Variants in EXOC6B observed in about 807,000 individuals in gnomAD.
The protein encoded by EXOC6B is SEC15 homolog B.
Under a neutral mutation model 113.5 loss-of-function variants are expected in EXOC6B, and 54 were observed. That is an observed-to-expected ratio of 0.48 (90% CI 0.38 to 0.60). The LOEUF (loss-of-function observed/expected upper bound fraction) is 0.60, where lower values mean the gene tolerates loss of function less well. Ranked by LOEUF, EXOC6B falls within the 20% of genes least tolerant of loss-of-function variation. EXOC6B has a pLI of 0.00. For synonymous variants in EXOC6B, 357 were observed against 339.0 expected (o/e 1.05, Z -0.58); for missense variants, 797 against 977.5 (o/e 0.82, Z 2.46).
chr2:72,784,364 T>C, intron 1 of EXOC6B, among the ~76,000 whole-genome samples: 1 of 152,256 alleles, frequency 6.6e-6, no homozygotes, highest in Non-Finnish European at 1.5e-5. Flanking sequence ...GAATTGTTTT[T>C]TCTATTTATA....
intron 6 of EXOC6B, among the ~76,000 whole-genome samples, chr2:72,629,067 T>C (rs1672233484): frequency 6.6e-6 from 1 of 152,224 alleles, no homozygotes; most frequent in Non-Finnish European, 1.5e-5. Flanking sequence ...CCACAAAAGT[T>C]TTCTGTGTTC....
At chr2:72,247,691 C>T (rs537692885) in intron 20 of EXOC6B, among the ~76,000 whole-genome samples, 3 of 152,320 alleles carry the variant, frequency 2.0e-5, no homozygotes, top group Admixed American at 2.0e-4. Flanking sequence ...TCCTTTTCTA[C>T]AGCTGCCTTG....
intron 6 of EXOC6B, among the ~76,000 whole-genome samples, chr2:72,631,402 GTA>G (rs1217054340): frequency 1.5e-5 from 2 of 132,768 alleles, no homozygotes; most frequent in Admixed American, 8.4e-5. Context: ...AGTAGTGTGT[GTA>G]TATGTGTGTG....
chr2:72,499,389 T>C (rs563487971), intron 12 of EXOC6B, among the ~76,000 whole-genome samples: 4 of 151,476 alleles, frequency 2.6e-5, no homozygotes, highest in Non-Finnish European at 5.9e-5. Context: ...TACCACCACA[T>C]CCGGCTAATT....
intron 20 of EXOC6B, among the ~76,000 whole-genome samples, chr2:72,276,509 C>A (rs1684816439): frequency 6.6e-6 from 1 of 152,022 alleles, no homozygotes; most frequent in Non-Finnish European, 1.5e-5. Flanking sequence ...GCCAGAATGA[C>A]AAGTTTTGTA....
At chr2:72,485,438 C>T (rs1279655574) in intron 16 of EXOC6B, among the ~76,000 whole-genome samples, 1 of 151,984 alleles carries the variant, frequency 6.6e-6, no homozygotes, top group Non-Finnish European at 1.5e-5. Flanking sequence ...GTTAAATTTG[C>T]AAAACAAAAA....
chr2:72,495,534 T>C lies in EXOC6B; in HGVS notation c.1449A>G (p.Pro483=), dbSNP rs377739932. ...PFQDIELEKQ[P]FPKKFPFSEF... is the part of the protein sequence containing the mutation. Reference sequence around the variant, plus strand: ...CAGAGAAAGGAAACTTTTTTGGAAATGGTTGCTGTAAATGCAAGAAGTAAT... The same window carrying C: ...CAGAGAAAGGAAACTTTTTTGGAAACGGTTGCTGTAAATGCAAGAAGTAAT... Residue 483 remains proline, a synonymous_variant, in exon 15 of 22, where the codon CCA becomes CCG. Coordinates refer to ENST00000272427, the MANE Select transcript of EXOC6B (RefSeq NM_015189.3). 1.8e-5 allele frequency: 28 copies of C among 1,578,870 alleles called. No individual in the cohort carries two copies. The African/African-American group carries it at 3.5e-4, about 20-fold the overall frequency.
At chr2:72,353,864 A>T (rs1689814009) in intron 19 of EXOC6B, among the ~76,000 whole-genome samples, 1 of 152,208 alleles carries the variant, frequency 6.6e-6, no homozygotes, top group Admixed American at 6.5e-5. Flanking sequence ...TTCTTCTTTG[A>T]AATGGCATTA....
intron 18 of EXOC6B, among the ~76,000 whole-genome samples, chr2:72,441,571 ACCCG>A (rs1696202637): frequency 6.6e-6 from 1 of 152,152 alleles, no homozygotes; most frequent in South Asian, 2.1e-4. Context: ...TTACCACTAA[ACCCG>A]CAGAAATACA....
chr2:72,360,883 A>G (rs1168019315), intron 19 of EXOC6B, among the ~76,000 whole-genome samples: 7 of 149,262 alleles, frequency 4.7e-5, no homozygotes. Flanking sequence ...GTGAGCTGAG[A>G]TCACACCATC....
chr2:72,328,406 C>T (rs986028704), intron 20 of EXOC6B, among the ~76,000 whole-genome samples: 1 of 144,270 alleles, frequency 6.9e-6, no homozygotes, highest in Admixed American at 6.8e-5. Context: ...ACTATGGCAC[C>T]AATACAAAAA....
At chr2:72,275,906 G>C (rs1684783149) in intron 20 of EXOC6B, among the ~76,000 whole-genome samples, 1 of 152,188 alleles carries the variant, frequency 6.6e-6, no homozygotes, top group Non-Finnish European at 1.5e-5. Flanking sequence ...TGTCAGCAAA[G>C]CTGAGAGGCC....
chr2:72,413,127 T>G (rs983561740), intron 18 of EXOC6B, among the ~76,000 whole-genome samples: 5 of 151,476 alleles, frequency 3.3e-5, no homozygotes, highest in African/African-American at 9.7e-5. Context: ...CCCGGCGAAG[T>G]TTTTTTTGTA....
chr2:72,724,371 C>G (rs1321373389), intron 5 of EXOC6B, among the ~76,000 whole-genome samples: 1 of 152,118 alleles, frequency 6.6e-6, no homozygotes, highest in Non-Finnish European at 1.5e-5. Flanking sequence ...CTTAGTAAAG[C>G]TGAACTTCCC....
chr2:72,749,180 T>G (rs1471984997), intron 1 of EXOC6B, among the ~76,000 whole-genome samples: 2 of 152,100 alleles, frequency 1.3e-5, no homozygotes, highest in Non-Finnish European at 2.9e-5. Context: ...TATAAAAAAG[T>G]ACCTCTACAG....
intron 1 of EXOC6B, among the ~76,000 whole-genome samples, chr2:72,786,529 G>C (rs947129937): frequency 2.0e-5 from 3 of 152,192 alleles, no homozygotes; most frequent in African/African-American, 7.2e-5. Context: ...CTAGGATCAA[G>C]AAAATAATTG....
chr2:72,456,594 T>C (rs1697249641), intron 18 of EXOC6B, among the ~76,000 whole-genome samples: 1 of 152,268 alleles, frequency 6.6e-6, no homozygotes, highest in South Asian at 2.1e-4. Flanking sequence ...GTTTAAATCC[T>C]AACCCTTTCA....
At chr2:72,382,784 G>A (rs1190124373) in intron 18 of EXOC6B, among the ~76,000 whole-genome samples, 1 of 151,554 alleles carries the variant, frequency 6.6e-6, no homozygotes, top group Non-Finnish European at 1.5e-5. Flanking sequence ...TTATTTTTTT[G>A]TATGGGATTG....
intron 1 of EXOC6B, among the ~76,000 whole-genome samples, chr2:72,762,117 G>A (rs1682774164): frequency 6.6e-6 from 1 of 151,884 alleles, no homozygotes; most frequent in Non-Finnish European, 1.5e-5. Flanking sequence ...GGTGGCATGT[G>A]CCTGTAGTCC....
Sources: allele counts gnomAD v4.1 joint callset (sites outside exome capture counted in the v4.1 genomes callset), GRCh38; gene constraint gnomAD v4.1.1; transcripts MANE v1.5; gene names NCBI Gene and HGNC (gene_info 2026-07-23, HGNC 2026-07-21).